KLRG1: variants seen among roughly 807,000 people sequenced by gnomAD.
The protein encoded by KLRG1 is killer cell lectin like receptor G1, also known as killer cell lectin-like receptor subfamily G member 1.
A neutral mutation model predicts 21.8 loss-of-function variants in KLRG1; 16 were observed. That is an observed-to-expected ratio of 0.73 (90% CI 0.50 to 1.11). KLRG1 has a LOEUF of 1.11. KLRG1 is among the 50% of genes most tolerant of loss of function. The pLI is 0.00. For missense variants in KLRG1, 173 were observed against 218.3 expected, an observed-to-expected ratio of 0.79 and a Z score of 1.31; for synonymous variants, 69 against 75.9, an observed-to-expected ratio of 0.91 and a Z score of 0.47.
At chr12:9,204,981 C>T in the KLRG1 span, among the ~76,000 whole-genome samples, 51,897 of 151,650 alleles carry the variant, frequency 0.34, 8,872 homozygotes, top group East Asian at 0.44. Flanking sequence ...GCTGTAGTAG[C>T]AGTTACTCAG....
chr12:9,161,046 A>G, the KLRG1 span: 1 of 1,592,654 alleles, frequency 6.3e-7, no homozygotes, highest in Admixed American at 1.7e-5. Flanking sequence ...GAACTGAGAA[A>G]GAAGCTCTGG....
the KLRG1 span, among the ~76,000 whole-genome samples, chr12:9,016,807 T>A: frequency 1.3e-5 from 2 of 151,122 alleles, no homozygotes; most frequent in Non-Finnish European, 3.0e-5. Flanking sequence ...AGAGATGGGG[T>A]TTCACTATGT....
At chr12:9,021,495 G>A in the KLRG1 span, among the ~76,000 whole-genome samples, 42 of 150,918 alleles carry the variant, frequency 2.8e-4, no homozygotes, top group African/African-American at 1.0e-3. Context: ...CCGCCTCCTG[G>A]GTTCAAGCGA....
chr12:9,127,833 T>G, the KLRG1 span: 1 of 232,870 alleles, frequency 4.3e-6, no homozygotes, highest in Non-Finnish European at 8.9e-6. Context: ...CCGGGTGAGC[T>G]GAAGGTGAAG....
the KLRG1 span, among the ~76,000 whole-genome samples, chr12:9,050,452 T>G: frequency 6.6e-6 from 1 of 152,258 alleles, no homozygotes; most frequent in East Asian, 1.9e-4. Flanking sequence ...CTCTTCTGAG[T>G]TGGGGTGGGG....
chr12:9,165,852 A>G, the KLRG1 span, among the ~76,000 whole-genome samples: 1 of 152,210 alleles, frequency 6.6e-6, no homozygotes, highest in Non-Finnish European at 1.5e-5. Flanking sequence ...ATCAGAAATA[A>G]TTATTTTAGA....
chr12:9,194,288 A>C, the KLRG1 span: 2 of 1,566,164 alleles, frequency 1.3e-6, no homozygotes, highest in Admixed American at 3.5e-5. Context: ...CCCAGAGAGG[A>C]CTGAACTCAT....
the KLRG1 span, among the ~76,000 whole-genome samples, chr12:9,017,186 C>A: frequency 5.8e-5 from 8 of 136,942 alleles, no homozygotes; most frequent in Non-Finnish European, 1.1e-4. Flanking sequence ...ATCACTTGAA[C>A]CTGGGAGGTG....
At chr12:9,025,059 G>A in the KLRG1 span, among the ~76,000 whole-genome samples, 1 of 152,184 alleles carries the variant, frequency 6.6e-6, no homozygotes. Context: ...GTAACATAAT[G>A]AGAGGAGAGT....
chr12:9,031,582 A>C, the KLRG1 span, among the ~76,000 whole-genome samples: 1 of 152,248 alleles, frequency 6.6e-6, no homozygotes, highest in Non-Finnish European at 1.5e-5. Context: ...GTCAAACTCT[A>C]TAAAATATTT....
the KLRG1 span, chr12:9,157,216 C>G: frequency 6.2e-7 from 1 of 1,614,118 alleles, no homozygotes; most frequent in Non-Finnish European, 8.5e-7. Flanking sequence ...CAGTATTTCT[C>G]TATTCTGATT....
chr12:8,998,790 A>T (rs1048027294), intron 3 of KLRG1, among the ~76,000 whole-genome samples: 19 of 152,230 alleles, frequency 1.2e-4, no homozygotes, highest in Admixed American at 1.1e-3. Context: ...GTTCAACAAG[A>T]CAACTTTTTC....
the KLRG1 span, chr12:9,072,750 T>A: frequency 6.2e-7 from 1 of 1,614,202 alleles, no homozygotes. Flanking sequence ...GTTGTTGTTG[T>A]CCACTTGGAA....
At chr12:8,955,600 C>T (rs971793345) in intron 1 of KLRG1, among the ~76,000 whole-genome samples, 2 of 151,450 alleles carry the variant, frequency 1.3e-5, no homozygotes, top group South Asian at 2.1e-4. Context: ...TTATTTTCCC[C>T]GAGCTGGTCT....
chr12:9,083,302 A>G, the KLRG1 span, among the ~76,000 whole-genome samples: 96 of 152,172 alleles, frequency 6.3e-4, no homozygotes, highest in African/African-American at 2.3e-3. Flanking sequence ...TGACGAGTTA[A>G]TGGGTGCAGC....
chr12:9,172,449 C>T, the KLRG1 span, among the ~76,000 whole-genome samples: 1 of 152,134 alleles, frequency 6.6e-6, no homozygotes, highest in Non-Finnish European at 1.5e-5. Context: ...TGCAAAAAAG[C>T]ATCATGATGA....
chr12:8,967,094 C>T (rs995455028), intron 1 of KLRG1, among the ~76,000 whole-genome samples: 1 of 147,102 alleles, frequency 6.8e-6, no homozygotes, highest in Non-Finnish European at 1.5e-5. Context: ...GACAAAAAAC[C>T]AAACACCGCA....
the KLRG1 span, chr12:9,076,672 C>T: frequency 7.8e-7 from 1 of 1,284,866 alleles, no homozygotes; most frequent in South Asian, 1.3e-5. Context: ...ACAGGGATCA[C>T]AGGAGGTAGG....
intron 1 of KLRG1, among the ~76,000 whole-genome samples, chr12:8,959,955 A>G (rs2377673): frequency 0.37 from 55,815 of 152,022 alleles, 11,365 homozygotes; most frequent in Middle Eastern, 0.47. Flanking sequence ...TAGACAATGA[A>G]TTTGTCTGCT....
Sources: allele counts gnomAD v4.1 joint callset (sites outside exome capture counted in the v4.1 genomes callset), GRCh38; gene constraint gnomAD v4.1.1; transcripts MANE v1.5; gene names NCBI Gene and HGNC (gene_info 2026-07-23, HGNC 2026-07-21).